SMAD6: variants seen among roughly 807,000 people sequenced by gnomAD.
SMAD6 encodes MAD homolog 6.
A neutral mutation model predicts 39.4 loss-of-function variants in SMAD6; 103 were observed. The observed-to-expected ratio is 2.62, with a 90% confidence interval of 2.23 to 3.08. SMAD6 has a LOEUF of 3.08. Among genes scored for constraint, SMAD6 ranks in the 30% most tolerant of loss-of-function variants. The pLI is 0.00. For synonymous variants in SMAD6, 445 were observed against 353.3 expected, an observed-to-expected ratio of 1.26 and a Z score of -2.91; for missense variants, 1,104 against 742.9, an observed-to-expected ratio of 1.49 and a Z score of -5.65.
chr15:66,719,345 C>T (rs1042176890), intron 3 of SMAD6, among the ~76,000 whole-genome samples: 4 of 152,220 alleles, frequency 2.6e-5, no homozygotes, highest in South Asian at 2.1e-4. Context: ...ATTTAAGTAC[C>T]GGGGAAGGGG....
chr15:66,708,726 A>G (rs1392000292), intron 1 of SMAD6: 2 of 471,878 alleles, frequency 4.2e-6, no homozygotes, highest in Non-Finnish European at 8.8e-6. Context: ...GGGCAAACCC[A>G]TAGAGACACA....
intron 3 of SMAD6, among the ~76,000 whole-genome samples, chr15:66,748,719 G>A (rs1400977171): frequency 6.6e-6 from 1 of 152,084 alleles, no homozygotes; most frequent in African/African-American, 2.4e-5. Flanking sequence ...CCTTCCCCAG[G>A]CTTTTCCCCT....
In SMAD6 at chr15:66,703,409, G is replaced by T; in HGVS notation, c.151G>T (p.Glu51Ter). 1 of 1,365,630 alleles carries T rather than the reference G, an allele frequency of 7.3e-7. No individual in the cohort carries two copies. Among genetic ancestry groups the T allele is most frequent in the East Asian group, 3.1e-5 (1 of 32,612 alleles). 84.6% of individuals were successfully genotyped at this position (1,365,630 alleles called of 1,614,324 possible). ...SRAEPAPRAR[E>*]GGGCGRSEVR... ...AGCTGAGCCGGCCCCGCGGGCAAGA[G>T]AGGGCGGAGGCTGCGGCCGCTCCGA... The change falls in exon 1 of 4, where the codon GAG becomes TAG. Residue 51 changes from glutamate to a stop codon, truncating the protein, a stop_gained. Coordinates refer to ENST00000288840, the MANE Select transcript of SMAD6 (RefSeq NM_005585.5). LOFTEE classifies it high-confidence loss of function.
rs5813403 is a variant in SMAD6 at position 66,759,336 on chromosome 15, A to AAGAG, written c.953-21641_953-21638dup. ...TGCACAGACCTACTGGACAGAGAGGAAGAGAGAGAGAGAGAGAGAGAGAAA... is the reference window on the plus strand; with the variant it reads ...TGCACAGACCTACTGGACAGAGAGGAAGAGAGAGAGAGAGAGAGAGAGAGAGAAA... On this transcript the variant is annotated intron_variant, in intron 3 of 3. Coordinates refer to ENST00000288840, the MANE Select transcript of SMAD6 (RefSeq NM_005585.5). 5.8e-4 allele frequency among the ~76,000 whole-genome samples: 87 copies of AAGAG among 150,400 alleles called. No individual in the cohort carries two copies. In the East Asian group the frequency reaches 7.2e-3, roughly 12 times the overall value.
chr15:66,704,162 C>G, intron 1 of SMAD6, 87 bp downstream of exon 1: 2 of 1,108,626 alleles, frequency 1.8e-6, no homozygotes, highest in Non-Finnish European at 2.4e-6. Flanking sequence ...TGCGGGTCGG[C>G]GCAGCTGCGG....
At chr15:66,717,166 G>C in intron 3 of SMAD6, 1 of 1,284,494 alleles carries the variant, frequency 7.8e-7, no homozygotes, top group Non-Finnish European at 1.0e-6. Flanking sequence ...GGGACATCGA[G>C]GGCCAGGACC....
At chr15:66,726,138 G>GC (rs1230481619) in intron 3 of SMAD6, among the ~76,000 whole-genome samples, 7 of 152,158 alleles carry the variant, frequency 4.6e-5, no homozygotes, top group African/African-American at 1.7e-4. Context: ...CTCTGCACCT[G>GC]CCCCCCACCC....
chr15:66,777,983 G>C, intron 3 of SMAD6, among the ~76,000 whole-genome samples: 1 of 152,326 alleles, frequency 6.6e-6, no homozygotes, highest in Middle Eastern at 3.4e-3. Context: ...GTTTTGATTG[G>C]GGGGATGGAA....
rs753407272 is a variant in SMAD6 at position 66,703,227 on chromosome 15, TC to T, written c.-25del. 6.4e-4 allele frequency: 852 copies of T among 1,338,926 alleles called. No homozygotes were observed. The highest frequency in any genetic ancestry group is 7.9e-4 in the Non-Finnish European group (813 of 1,035,240). The allele number at this position is 1,338,926 out of a possible 1,614,324, so 82.9% of individuals were successfully genotyped here. ...GGACCCCCGGTAACCGGAGACCGCC[TC>T]CCCCCCACCCCTGGCGCCAAAGGAT... On this transcript the variant is annotated 5_prime_UTR_variant, in exon 1 of 4. Transcript: ENST00000288840.
At chr15:66,776,584 C>T (rs1351577211) in intron 3 of SMAD6, among the ~76,000 whole-genome samples, 1 of 152,098 alleles carries the variant, frequency 6.6e-6, no homozygotes, top group Non-Finnish European at 1.5e-5. Flanking sequence ...AAGTTCTGGC[C>T]CTAGGTCTGC....
At position 66,703,818 on chromosome 15, in the gene SMAD6, C is replaced by G; in HGVS notation, c.560C>G (p.Ser187Trp). ...CTGCTGAAGCGGCTCAAGGAGCGCT[C>G]GCTGGACACGCTGCTGGAGGCGGTG... ...YSLLKRLKER[S>W]LDTLLEAVES... Residue 187 changes from serine to tryptophan, a missense_variant, in exon 1 of 4, where the codon TCG (serine) becomes TGG (tryptophan). By Grantham distance (177) the Ser-to-Trp change is radical (BLOSUM62 -3). Coordinates refer to ENST00000288840, the MANE Select transcript of SMAD6 (RefSeq NM_005585.5). 1.4e-6 allele frequency: 2 copies of G among 1,421,458 alleles called. No homozygotes were observed. Among genetic ancestry groups the G allele is most frequent in the South Asian group, 1.4e-5 (1 of 70,748 alleles). The allele number at this position is 1,421,458 out of a possible 1,614,324, so 88.1% of individuals were successfully genotyped here.
chr15:66,711,615 T>A (rs202222604), intron 1 of SMAD6, 53 bp from the exon 2 acceptor site: 1 of 1,347,854 alleles, frequency 7.4e-7, no homozygotes, highest in Non-Finnish European at 1.1e-6. Context: ...ATGTAGAACC[T>A]GAGGTGTGAG....
chr15:66,742,394 G>A (rs548174992), intron 3 of SMAD6, among the ~76,000 whole-genome samples: 38 of 152,194 alleles, frequency 2.5e-4, no homozygotes, highest in African/African-American at 4.8e-4. Flanking sequence ...GTCTTAGGGC[G>A]CGGGAACAAG....
intron 3 of SMAD6, among the ~76,000 whole-genome samples, chr15:66,755,155 A>G (rs1448987220): frequency 6.6e-6 from 1 of 152,146 alleles, no homozygotes; most frequent in Non-Finnish European, 1.5e-5. Flanking sequence ...TTACCCTTCA[A>G]AGCCTTCCTA....
chr15:66,764,972 A>C (rs968724520), intron 3 of SMAD6, among the ~76,000 whole-genome samples: 9 of 152,168 alleles, frequency 5.9e-5, no homozygotes, highest in Non-Finnish European at 1.2e-4. Context: ...TTTCACGCCA[A>C]GGCTGGTCCC....
intron 3 of SMAD6, 39 bp downstream of exon 3, chr15:66,716,537 T>C (rs1567096502): frequency 1.4e-6 from 2 of 1,458,476 alleles, no homozygotes; most frequent in Non-Finnish European, 1.9e-6. Context: ...TGTGTTGAAA[T>C]TTATCGAAGG....
rs978120452 is a variant in SMAD6 at position 66,704,113 on chromosome 15, C to G, written c.817+38C>G. 2.2e-6 allele frequency: 3 copies of G among 1,363,358 alleles called. No homozygotes were observed. The African/African-American group carries it at 4.6e-5, about 21-fold the overall frequency. The allele number at this position is 1,363,358 out of a possible 1,614,324, so 84.5% of individuals were successfully genotyped here. A position where few individuals can be genotyped will look rare whatever the true frequency, so the allele number is the denominator to read the frequency against. On this transcript the variant is annotated intron_variant, in intron 1 of 3. Coordinates refer to ENST00000288840, the MANE Select transcript of SMAD6 (RefSeq NM_005585.5). Reference sequence around the variant, plus strand: ...CGCCGGCCGGGGGGGCCCCGGGTCCCCGTCCCCATCCCCTTCCGTGCCCTT... The same window carrying G: ...CGCCGGCCGGGGGGGCCCCGGGTCCGCGTCCCCATCCCCTTCCGTGCCCTT...
At chr15:66,766,801 G>A (rs1894296217) in intron 3 of SMAD6, among the ~76,000 whole-genome samples, 1 of 152,172 alleles carries the variant, frequency 6.6e-6, no homozygotes, top group Non-Finnish European at 1.5e-5. Flanking sequence ...TGCCATCATC[G>A]AGTTCAGCCC....
At chr15:66,769,106 G>A (rs117034472) in intron 3 of SMAD6, among the ~76,000 whole-genome samples, 232 of 152,270 alleles carry the variant, frequency 1.5e-3, no homozygotes, top group Non-Finnish European at 2.4e-3. Context: ...CCTGGTCATC[G>A]AGTGCCGGGT....
Sources: gnomAD v4.1 joint callset for allele counts (sites outside exome capture counted in the v4.1 genomes callset) on GRCh38, gnomAD v4.1.1 for gene constraint, MANE v1.5 for transcripts, NCBI Gene and HGNC (gene_info 2026-07-23, HGNC 2026-07-21) for gene names.